Variants in PRKAA1 observed in about 807,000 individuals in gnomAD.
PRKAA1 encodes 5'-AMP-activated protein kinase catalytic subunit alpha-1.
A neutral mutation model predicts 56.9 loss-of-function variants in PRKAA1; 23 were observed. The ratio of observed to expected loss-of-function variants is 0.40; its 90% CI spans 0.29 to 0.57. The LOEUF is 0.57. Ranked by LOEUF, PRKAA1 falls within the 20% of genes least tolerant of loss-of-function variation. The pLI, the probability that PRKAA1 is intolerant of heterozygous loss-of-function variation, is 0.39. For synonymous variants in PRKAA1, 226 were observed against 227.0 expected (o/e 1.00, Z 0.04); for missense variants, 413 against 679.7 (o/e 0.61, Z 4.36).
In PRKAA1 at chr5:40,771,845, G is replaced by A. The variant is rs865929015; in HGVS notation, c.382C>T (p.Arg128Trp). 8.1e-6 allele frequency: 13 copies of A among 1,608,786 alleles called. No homozygotes were observed. Among genetic ancestry groups the A allele is most frequent in the African/African-American group, 1.3e-5 (1 of 74,568 alleles). The part of the protein sequence containing the change: ...KNGRLDEKES[R>W]RLFQQILSGV... ...GAAAGGATCTGTTGGAACAGACGCC[G>A]ACTTTCTTTTTCATCCAGCTAAGAA... The change falls in exon 4 of 9, where the codon CGG becomes TGG. Residue 128 changes from arginine (R) to tryptophan (W), a missense_variant. By Grantham distance (101) the Arg-to-Trp change is moderately radical (BLOSUM62 -3). This residue lies in a region of PRKAA1 where 29 missense variants were observed against 44.2 expected (regional missense o/e 0.66). Transcript: ENST00000397128.
At chr5:40,781,942 C>G (rs999579962) in intron 1 of PRKAA1, among the ~76,000 whole-genome samples, 1 of 152,178 alleles carries the variant, frequency 6.6e-6, no homozygotes, top group African/African-American at 2.4e-5. Flanking sequence ...GAGCAGCCAA[C>G]TTGACTGTTA....
At chr5:40,777,156 G>A (rs1004266010) in intron 2 of PRKAA1, 1 of 197,998 alleles carries the variant, frequency 5.1e-6, no homozygotes, top group Non-Finnish European at 1.0e-5. Context: ...GGTATTACAG[G>A]CGCCCACCAC....
intron 2 of PRKAA1, chr5:40,776,911 A>G (rs1744029872): frequency 6.6e-6 from 1 of 152,386 alleles, no homozygotes; most frequent in Admixed American, 6.5e-5. Flanking sequence ...TCCAGGAGAC[A>G]GGAAAGAATG....
chr5:40,772,661 T>A (rs1266575653), intron 3 of PRKAA1, among the ~76,000 whole-genome samples: 4 of 152,094 alleles, frequency 2.6e-5, no homozygotes, highest in African/African-American at 9.7e-5. Context: ...TGAGATCCAG[T>A]CTCGTTCTGT....
chr5:40,773,050 G>T lies in PRKAA1; in HGVS notation c.364-1187C>A, dbSNP rs1579726361. 2.0e-5 allele frequency among the ~76,000 whole-genome samples: 3 copies of T among 152,070 alleles called. No homozygotes were observed. In the South Asian group the frequency reaches 6.2e-4, roughly 31 times the overall value. ...CCAAGAAGTCATATTTAATAAATAA[G>T]CTATTAATCCTCTAGGCGAAGGACT... On this transcript the variant is annotated intron_variant, in intron 3 of 8. Coordinates refer to ENST00000397128, the MANE Select transcript of PRKAA1 (RefSeq NM_006251.6).
intron 3 of PRKAA1, among the ~76,000 whole-genome samples, chr5:40,773,974 A>G (rs1743871558): frequency 6.6e-6 from 1 of 152,234 alleles, no homozygotes; most frequent in Non-Finnish European, 1.5e-5. Flanking sequence ...CAGCTCCTGG[A>G]GCACTGGCAG....
At chr5:40,788,913 T>C (rs1744606414) in intron 1 of PRKAA1, among the ~76,000 whole-genome samples, 1 of 151,880 alleles carries the variant, frequency 6.6e-6, no homozygotes, top group African/African-American at 2.4e-5. Flanking sequence ...ATGCATCAGA[T>C]ATATAGCTAA....
intron 1 of PRKAA1, among the ~76,000 whole-genome samples, chr5:40,796,826 G>T (rs1744946996): frequency 6.6e-6 from 1 of 152,160 alleles, no homozygotes; most frequent in Admixed American, 6.5e-5. Flanking sequence ...TACAGACTTT[G>T]GCAAACTTTT....
At chr5:40,769,388 T>C (rs374175132) in intron 5 of PRKAA1, 28 bp downstream of exon 5, 30 of 1,518,354 alleles carry the variant, frequency 2.0e-5, no homozygotes, top group Middle Eastern at 1.7e-4. Context: ...TTCAAATGTA[T>C]TGAGGGAGGC....
chr5:40,768,806 G>A, intron 5 of PRKAA1: 1 of 1,459,992 alleles, frequency 6.8e-7, no homozygotes, highest in African/African-American at 1.5e-5. Flanking sequence ...AGGACAAAGA[G>A]TTATTCTTAA....
intron 1 of PRKAA1, 39 bp from the exon 2 acceptor site, chr5:40,777,625 G>T: frequency 6.5e-7 from 1 of 1,532,862 alleles, no homozygotes; most frequent in Non-Finnish European, 8.9e-7. Context: ...TACTAAGTAT[G>T]ATTAATAATA....
chr5:40,767,331 ATG>A, intron 6 of PRKAA1, 133 bp downstream of exon 6: 1 of 640,040 alleles, frequency 1.6e-6, no homozygotes. Flanking sequence ...AATAAAATAA[ATG>A]TGTCTATACA....
chr5:40,764,487 C>T, intron 8 of PRKAA1, 27 bp downstream of exon 8: 1 of 1,589,406 alleles, frequency 6.3e-7, no homozygotes, highest in Non-Finnish European at 8.6e-7. Context: ...AAGGTCTAAT[C>T]TATGTTGTTT....
intron 3 of PRKAA1, among the ~76,000 whole-genome samples, chr5:40,772,340 A>T (rs1348314450): frequency 2.6e-5 from 4 of 152,196 alleles, no homozygotes; most frequent in African/African-American, 9.6e-5. Context: ...AGTCAGAAGG[A>T]GTGATACTGT....
intron 1 of PRKAA1, among the ~76,000 whole-genome samples, chr5:40,778,733 GT>G (rs1744130705): frequency 4.7e-5 from 6 of 128,232 alleles, no homozygotes; most frequent in Admixed American, 4.5e-4. Flanking sequence ...GTGGTTTCTA[GT>G]TTTTTTGGTT....
chr5:40,759,456 T>C lies in PRKAA1; in HGVS notation c.*3322A>G, dbSNP rs1743073071. ...GAAGCTGAAATTATATACTTAAATA[T>C]ACTCTGGTCAAAATATACATGAACC... is the stretch of plus-strand genomic sequence containing the variant. On this transcript the variant is annotated 3_prime_UTR_variant, in exon 9 of 9. Transcript: ENST00000397128. The C allele has an allele frequency of 6.6e-6, 1 of 152,302 alleles. No homozygotes were observed. Among genetic ancestry groups the C allele is most frequent in the Non-Finnish European group, 1.5e-5 (1 of 68,030 alleles). 9.4% of individuals were successfully genotyped at this position (152,302 alleles called of 1,614,324 possible).
Position 40,790,930 on chromosome 5 carries a change from A to AT in PRKAA1, c.127+7132dup, listed in dbSNP as rs572963854. 4.2e-3 allele frequency among the ~76,000 whole-genome samples: 639 copies of AT among 152,284 alleles called. 4 individuals carry two copies. Among genetic ancestry groups the AT allele is most frequent in the African/African-American group, 0.015 (613 of 41,538 alleles). On this transcript the variant is annotated intron_variant, in intron 1 of 8. Transcript: ENST00000397128. Reference sequence around the variant, plus strand: ...TTGAGCATAAACCTATGATGGAGGTATTGTCTTTTACAGATAAAGAAACTG... The same window carrying AT: ...TTGAGCATAAACCTATGATGGAGGTATTTGTCTTTTACAGATAAAGAAACTG...
rs1428376184 is a variant in PRKAA1 at position 40,794,527 on chromosome 5, TTGCTTTTGGGTTCTTAGTC to T, written c.127+3517_127+3535del. Among the ~76,000 whole-genome samples the T allele has an allele frequency of 3.3e-4, 21 of 63,646 alleles. 8 individuals carry two copies. Among genetic ancestry groups the T allele is most frequent in the South Asian group, 2.5e-3 (5 of 1,976 alleles). The allele number at this position is 63,646 out of a possible 152,430, so 41.8% of individuals were successfully genotyped here. ...CTATTTATCTTTGTTTTTATTGCAT[TTGCTTTTGGGTTCTTAGTC>T]ATTAAATCCTTGCCTAAGCCAATGT... On this transcript the variant is annotated intron_variant, in intron 1 of 8. Transcript: ENST00000397128.
At chr5:40,779,711 C>A (rs901998710) in intron 1 of PRKAA1, among the ~76,000 whole-genome samples, 1 of 152,140 alleles carries the variant, frequency 6.6e-6, no homozygotes. Flanking sequence ...ACCGTTTGCA[C>A]AAAAACTGCA....
Sources: allele counts gnomAD v4.1 joint callset (sites outside exome capture counted in the v4.1 genomes callset), GRCh38; gene constraint gnomAD v4.1.1; regional missense constraint gnomAD v4.1.1; transcripts MANE v1.5; gene names NCBI Gene and HGNC (gene_info 2026-07-23, HGNC 2026-07-21).